CHCHD6: variants seen among roughly 807,000 people sequenced by gnomAD.
The protein encoded by CHCHD6 is coiled-coil-helix-coiled-coil-helix domain containing 6, also known as MICOS complex subunit MIC25.
A neutral mutation model predicts 32.3 loss-of-function variants in CHCHD6; 28 were observed. The observed-to-expected ratio is 0.87, with a 90% CI of 0.64 to 1.19. The LOEUF is 1.19. Ranked by LOEUF, CHCHD6 falls within the 50% of genes most tolerant of loss-of-function variation. The pLI is 0.00. For synonymous variants in CHCHD6, 122 were observed against 117.5 expected, an observed-to-expected ratio of 1.04 and a Z score of -0.25; for missense variants, 333 against 307.0, an observed-to-expected ratio of 1.08 and a Z score of -0.63.
At chr3:126,763,538 G>C (rs1189854395) in intron 4 of CHCHD6, among the ~76,000 whole-genome samples, 1 of 152,040 alleles carries the variant, frequency 6.6e-6, no homozygotes, top group Non-Finnish European at 1.5e-5. Context: ...ATGGGGTCTT[G>C]TTATGTTGTC....
At chr3:126,924,777 G>A (rs1457369303) in intron 6 of CHCHD6, among the ~76,000 whole-genome samples, 1 of 152,220 alleles carries the variant, frequency 6.6e-6, no homozygotes, top group Non-Finnish European at 1.5e-5. Flanking sequence ...CAGATGAGCT[G>A]TGATTCTGGG....
At chr3:126,915,251 A>T (rs2078152484) in intron 6 of CHCHD6, among the ~76,000 whole-genome samples, 1 of 152,204 alleles carries the variant, frequency 6.6e-6, no homozygotes. Context: ...AGGCTCAGAG[A>T]GCTGCTGGCT....
intron 4 of CHCHD6, among the ~76,000 whole-genome samples, chr3:126,786,229 G>A (rs1162146203): frequency 1.3e-5 from 2 of 152,150 alleles, no homozygotes; most frequent in African/African-American, 4.8e-5. Flanking sequence ...GTCTATCATT[G>A]TTGGACATTT....
chr3:126,757,471 G>C (rs1383502352), intron 4 of CHCHD6, among the ~76,000 whole-genome samples: 1 of 152,132 alleles, frequency 6.6e-6, no homozygotes, highest in Non-Finnish European at 1.5e-5. Context: ...GAAAGTAAAG[G>C]GCTTTGTTTA....
chr3:126,824,577 A>AAAAAAAAAAAAC, intron 4 of CHCHD6, among the ~76,000 whole-genome samples: 1 of 149,938 alleles, frequency 6.7e-6, no homozygotes, highest in Non-Finnish European at 1.5e-5. Context: ...AAAAAAAAAA[A>AAAAAAAAAAAAC]AAAAGTCAAA....
chr3:126,956,074 A>G (rs2078779412), intron 6 of CHCHD6, among the ~76,000 whole-genome samples: 1 of 152,130 alleles, frequency 6.6e-6, no homozygotes, highest in African/African-American at 2.4e-5. Flanking sequence ...TAGCTGAGGA[A>G]CTGTGTTCAA....
intron 5 of CHCHD6, among the ~76,000 whole-genome samples, chr3:126,895,138 C>T (rs2077820117): frequency 1.3e-5 from 2 of 152,180 alleles, no homozygotes; most frequent in South Asian, 2.1e-4. Context: ...TATATATAAA[C>T]CTTTCTCATT....
At chr3:126,808,943 C>A (rs1315713157) in intron 4 of CHCHD6, among the ~76,000 whole-genome samples, 2 of 151,310 alleles carry the variant, frequency 1.3e-5, no homozygotes, top group Admixed American at 1.3e-4. Context: ...TGAGCATACC[C>A]AAAACTGTTG....
At chr3:126,743,745 T>A (rs1461479163) in intron 4 of CHCHD6, among the ~76,000 whole-genome samples, 1 of 152,192 alleles carries the variant, frequency 6.6e-6, no homozygotes, top group Non-Finnish European at 1.5e-5. Flanking sequence ...ATCTGAGCCA[T>A]CTGAGAGTGG....
chr3:126,948,348 T>G (rs1438116334), intron 6 of CHCHD6, among the ~76,000 whole-genome samples: 1 of 152,212 alleles, frequency 6.6e-6, no homozygotes, highest in Non-Finnish European at 1.5e-5. Flanking sequence ...CTGCTGGTGG[T>G]GCTGGCATCC....
intron 1 of CHCHD6, among the ~76,000 whole-genome samples, chr3:126,717,619 A>C (rs1182419877): frequency 6.6e-6 from 1 of 152,152 alleles, no homozygotes; most frequent in African/African-American, 2.4e-5. Flanking sequence ...TAAAAAAAGA[A>C]ATCTGTAGCC....
intron 4 of CHCHD6, among the ~76,000 whole-genome samples, chr3:126,838,268 G>A (rs1348210224): frequency 6.6e-6 from 1 of 152,194 alleles, no homozygotes. Flanking sequence ...GTGTAATGAG[G>A]AACAAAGACA....
chr3:126,717,638 A>G (rs573837030), intron 1 of CHCHD6, among the ~76,000 whole-genome samples: 3 of 152,208 alleles, frequency 2.0e-5, no homozygotes, highest in South Asian at 2.1e-4. Context: ...CCATTTGGGA[A>G]CTTGCCTCTA....
chr3:126,773,485 A>G (rs1433923292), intron 4 of CHCHD6, among the ~76,000 whole-genome samples: 10 of 151,972 alleles, frequency 6.6e-5, no homozygotes, highest in Non-Finnish European at 1.3e-4. Context: ...AACACCAGAA[A>G]GTTTTCCTAC....
intron 4 of CHCHD6, among the ~76,000 whole-genome samples, chr3:126,839,544 G>A (rs974396257): frequency 5.9e-5 from 9 of 151,736 alleles, no homozygotes; most frequent in Non-Finnish European, 2.9e-5. Context: ...TCTCATTTTC[G>A]GCCGGAACCT....
chr3:126,706,136 G>T (rs1454350689), intron 1 of CHCHD6, among the ~76,000 whole-genome samples: 1 of 152,176 alleles, frequency 6.6e-6, no homozygotes, highest in Non-Finnish European at 1.5e-5. Flanking sequence ...CTCCTGTTTT[G>T]GGGAATGTTG....
rs56700083 is a variant in CHCHD6, at chr3:126,872,239, A to AC, written c.495+19510dup. Among the ~76,000 whole-genome samples the AC allele has an allele frequency of 4.7e-3, 720 of 152,272 alleles. 6 individuals are homozygous for AC. Among genetic ancestry groups the AC allele is most frequent in the African/African-American group, 0.014 (599 of 41,562 alleles). Reference sequence around the variant, plus strand: ...CAGCCCCTCACAGCAAGGAATTAGCACAAAATGTTGACAGTGCCAGGTACC... The same window carrying AC: ...CAGCCCCTCACAGCAAGGAATTAGCACCAAAATGTTGACAGTGCCAGGTACC... On this transcript the variant is annotated intron_variant, in intron 5 of 7. Coordinates refer to ENST00000290913, the MANE Select transcript of CHCHD6 (RefSeq NM_032343.3).
intron 4 of CHCHD6, among the ~76,000 whole-genome samples, chr3:126,787,841 G>A (rs909722843): frequency 5.3e-5 from 8 of 152,104 alleles, no homozygotes; most frequent in South Asian, 2.1e-4. Context: ...TAATTGCCCT[G>A]GCCAGAACTT....
Position 126,704,256 on chromosome 3 carries a change from G to C in CHCHD6, c.-57G>C. 1 of 1,427,658 alleles carries C rather than the reference G, an allele frequency of 7.0e-7. No homozygotes were observed. Among genetic ancestry groups the C allele is most frequent in the African/African-American group, 1.4e-5 (1 of 71,414 alleles). The allele number at this position is 1,427,658 out of a possible 1,614,324, so 88.4% of individuals were successfully genotyped here. A position where few individuals can be genotyped will look rare whatever the true frequency, so the allele number is the denominator to read the frequency against. ...GAGTCCTGGAAAGCGTTGTTGGCCC[G>C]GTTGCTCTGGAGCCGGGTCTCGGGT... On this transcript the variant is annotated 5_prime_UTR_variant, in exon 1 of 8. Transcript: ENST00000290913.
Sources: gnomAD v4.1 joint callset for allele counts (sites outside exome capture counted in the v4.1 genomes callset) on GRCh38, gnomAD v4.1.1 for gene constraint, MANE v1.5 for transcripts, NCBI Gene and HGNC (gene_info 2026-07-23, HGNC 2026-07-21) for gene names.